The following MB variants were observed in gnomAD, a reference collection of about 807,000 sequenced individuals.
The protein encoded by MB is nitrite reductase MB.
MB carries 10 observed loss-of-function variants against 14.5 expected under a neutral mutation model. That is an observed-to-expected ratio of 0.69 (90% CI 0.43 to 1.17). The LOEUF is 1.17. Ranked by LOEUF, MB falls within the 50% of genes most tolerant of loss-of-function variation. The pLI is 0.00. For synonymous variants in MB, 89 were observed against 78.6 expected (o/e 1.13, Z -0.70); for missense variants, 169 against 192.7 (o/e 0.88, Z 0.73).
chr22:35,621,042 C>T (rs112164568), upstream of MB, among the ~76,000 whole-genome samples: 181 of 152,324 alleles, frequency 1.2e-3, no homozygotes, highest in African/African-American at 3.9e-3. Context: ...AACAGAGCAG[C>T]GTTACCTCAC....
In MB at chr22:35,611,214, C is replaced by T. The variant is rs983549763; in HGVS notation, c.96-108G>A. The T allele has an allele frequency of 3.3e-5, 25 of 758,182 alleles. No homozygotes were observed. In the African/African-American group the frequency reaches 4.0e-4, roughly 12 times the overall value. The allele number at this position is 758,182 out of a possible 1,614,324, so 47.0% of individuals were successfully genotyped here. On this transcript the variant is annotated intron_variant, in intron 1 of 2. Transcript: ENST00000397326. ...CTCCCTGTCTTCCCAGCTGTGTGACCTTGGGCCATTCACTTCACCTCTCTG... is the reference window on the plus strand; with the variant it reads ...CTCCCTGTCTTCCCAGCTGTGTGACTTTGGGCCATTCACTTCACCTCTCTG...
chr22:35,617,414 G>A (rs556882645), upstream of MB: 25 of 607,994 alleles, frequency 4.1e-5, no homozygotes, highest in Admixed American at 6.4e-4. Context: ...CCCCTCCCCT[G>A]CCCTCCTTCA....
rs1388440501 is a variant in MB at position 35,608,960 on chromosome 22, G to A, written c.319-1517C>T. 3.3e-5 allele frequency among the ~76,000 whole-genome samples: 5 copies of A among 152,206 alleles called. No individual in the cohort carries two copies. The highest frequency in any genetic ancestry group is 1.2e-4 in the African/African-American group (5 of 41,456). On this transcript the variant is annotated intron_variant, in intron 2 of 2. Coordinates refer to ENST00000397326, the MANE Select transcript of MB (RefSeq NM_005368.3). The surrounding 1 kb of genome is among the most constrained non-coding windows in gnomAD (Gnocchi z 4.3). ...AGCGCAGAGCGAAGGTCCACCGTGAGGGGGAAAAGCAGACATCTGGGCTCT... is the reference window on the plus strand; with the variant it reads ...AGCGCAGAGCGAAGGTCCACCGTGAAGGGGAAAAGCAGACATCTGGGCTCT...
intron 2 of MB, among the ~76,000 whole-genome samples, chr22:35,609,809 C>A (rs1922454086): frequency 6.6e-6 from 1 of 152,204 alleles, no homozygotes. Context: ...CTACCTTTCC[C>A]AGCTTCCCGT....
rs371456924 is a variant in MB at position 35,617,152 on chromosome 22, C to T, written c.95+11G>A. The T allele has an allele frequency of 4.4e-6, 7 of 1,608,226 alleles. No individual in the cohort carries two copies. Among genetic ancestry groups the T allele is most frequent in the Non-Finnish European group, 6.0e-6 (7 of 1,174,662 alleles). On this transcript the variant is annotated intron_variant, in intron 1 of 2. Transcript: ENST00000397326. ...GTGGGTGGCAGGGGCAATGGAATCT[C>T]TTCCTTTTACCTGATGAGGACTTCC...
rs1051126187 is a variant in MB at position 35,608,226 on chromosome 22, G to A, written c.319-783C>T. Among the ~76,000 whole-genome samples the A allele has an allele frequency of 2.0e-5, 3 of 152,244 alleles. No individual in the cohort carries two copies. Among genetic ancestry groups the A allele is most frequent in the African/African-American group, 7.2e-5 (3 of 41,472 alleles). ...ACTCATGGATGTGAAATGCGGCTGTGCTTTCTCAAGTTAACCAGATTTGAT... is the reference window on the plus strand; with the variant it reads ...ACTCATGGATGTGAAATGCGGCTGTACTTTCTCAAGTTAACCAGATTTGAT... On this transcript the variant is annotated intron_variant, in intron 2 of 2. Transcript: ENST00000397326. This position sits in a 1 kb window ranked among gnomAD's most constrained non-coding sequence, Gnocchi z 4.3.
At chr22:35,617,657 C>G, upstream of MB, 1 of 189,196 alleles carries the variant, frequency 5.3e-6, no homozygotes, top group South Asian at 1.1e-4. Context: ...CCCAACGCTC[C>G]CTGCGGTCAG....
chr22:35,618,897 C>T (rs1347441281), upstream of MB, among the ~76,000 whole-genome samples: 1 of 151,662 alleles, frequency 6.6e-6, no homozygotes, highest in East Asian at 1.9e-4. Context: ...ATCCATCACC[C>T]ACCCATCCCT....
intron 1 of MB, among the ~76,000 whole-genome samples, chr22:35,622,939 CT>C (rs1923564538): frequency 6.6e-6 from 1 of 152,248 alleles, no homozygotes; most frequent in South Asian, 2.1e-4. Context: ...CTCTTCCCCA[CT>C]CTGGCTCCAG....
In MB at chr22:35,608,513, A is replaced by G. The variant is rs1332758336; in HGVS notation, c.319-1070T>C. On this transcript the variant is annotated intron_variant, in intron 2 of 2. Transcript: ENST00000397326. This position sits in a 1 kb window ranked among gnomAD's most constrained non-coding sequence, Gnocchi z 4.3. ...GGACATGCAAAGGGAGGCCTCAAGA[A>G]GCATCAACACCCCATAAGCCCCTCT... 6.6e-6 allele frequency among the ~76,000 whole-genome samples: 1 copy of G among 152,184 alleles called. No homozygotes were observed. The highest frequency in any genetic ancestry group is 1.5e-5 in the Non-Finnish European group (1 of 68,026).
At chr22:35,621,704 G>A (rs905341950), upstream of MB, among the ~76,000 whole-genome samples, 14 of 152,118 alleles carry the variant, frequency 9.2e-5, no homozygotes, top group Admixed American at 4.6e-4. Context: ...ACTTCCTTGC[G>A]GCAGCTCCGC....
intron 2 of MB, among the ~76,000 whole-genome samples, chr22:35,609,130 A>T (rs1041131905): frequency 2.0e-4 from 30 of 152,204 alleles, no homozygotes; most frequent in Admixed American, 1.3e-4. Context: ...GAGAGAACTC[A>T]GTCATTGGAA....
In MB at chr22:35,612,723, T is replaced by C. The variant is rs45544337; in HGVS notation, c.96-1617A>G. ...TTAACCCAGGCAGTCTGGCTTCATG[T>C]CTATACTCTTGATGACTATTCGGAC... On this transcript the variant is annotated intron_variant, in intron 1 of 2. Coordinates refer to ENST00000397326, the MANE Select transcript of MB (RefSeq NM_005368.3). Among the ~76,000 whole-genome samples, 22 of 152,350 alleles carry C rather than the reference T, an allele frequency of 1.4e-4. No homozygotes were observed. The South Asian group carries it at 4.3e-3, about 30-fold the overall frequency.
chr22:35,614,724 A>G (rs1446354069), intron 1 of MB, among the ~76,000 whole-genome samples: 1 of 133,244 alleles, frequency 7.5e-6, no homozygotes, highest in Admixed American at 7.5e-5. Context: ...TCTCCTCCTC[A>G]TCATCTCTAC....
rs552790413 is a variant in MB at position 35,622,956 on chromosome 22, G to A, written c.-9+235C>T. 1.5e-4 allele frequency among the ~76,000 whole-genome samples: 23 copies of A among 152,292 alleles called. No homozygotes were observed. The East Asian group carries it at 1.9e-3, about 13-fold the overall frequency. On this transcript the variant is annotated intron_variant, in intron 1 of 3. Coordinates refer to the MB transcript ENST00000359787. ...CTTCCCCACTCTGGCTCCAGCATGGGTGCAGCCTTCTCATCTCTCTTGCTT... is the reference window on the plus strand; with the variant it reads ...CTTCCCCACTCTGGCTCCAGCATGGATGCAGCCTTCTCATCTCTCTTGCTT...
At chr22:35,622,034 T>C (rs1195639818), upstream of MB, 1 of 152,238 alleles carries the variant, frequency 6.6e-6, no homozygotes, top group African/African-American at 2.4e-5. Flanking sequence ...GAAAATCCAA[T>C]CTAGGTGACC....
chr22:35,613,742 C>G (rs1922834813), intron 1 of MB, among the ~76,000 whole-genome samples: 1 of 152,154 alleles, frequency 6.6e-6, no homozygotes, highest in Admixed American at 6.5e-5. Flanking sequence ...CAAGCGATTC[C>G]CCGATCCTGC....
In MB at chr22:35,610,980, A is replaced by T. The variant is rs1922573431; in HGVS notation, c.222T>A (p.Gly74=). 1 of 1,614,030 alleles carries T rather than the reference A, an allele frequency of 6.2e-7. No homozygotes were observed. The highest frequency in any genetic ancestry group is 1.7e-5 in the Admixed American group (1 of 59,994). Residue 74 remains glycine, a synonymous_variant, in exon 2 of 3, where the codon GGT becomes GGA. Transcript: ENST00000397326. Reference sequence around the variant, plus strand: ...GATGCCCCTTCTTCTTAAGGATGCCACCCAGGGCGGTGAGCACGGTGGCAC... The same window carrying T: ...GATGCCCCTTCTTCTTAAGGATGCCTCCCAGGGCGGTGAGCACGGTGGCAC... ...KHGATVLTAL[G]GILKKKGHHE...
upstream of MB, among the ~76,000 whole-genome samples, chr22:35,619,054 A>T (rs930686346): frequency 6.6e-6 from 1 of 151,616 alleles, no homozygotes; most frequent in Non-Finnish European, 1.5e-5. Flanking sequence ...CCTTCTATCC[A>T]TCTGTAACTC....
Sources: allele counts gnomAD v4.1 joint callset (sites outside exome capture counted in the v4.1 genomes callset), GRCh38; gene constraint gnomAD v4.1.1; non-coding constraint Gnocchi (gnomAD v3.1); transcripts MANE v1.5; gene names NCBI Gene and HGNC (gene_info 2026-07-23, HGNC 2026-07-21).